GPR39: variants seen among roughly 807,000 people sequenced by gnomAD.
The protein encoded by GPR39 is G protein-coupled receptor 39, also known as zinc sensing receptor.
GPR39 carries 23 observed loss-of-function variants against 18.4 expected under a neutral mutation model. The ratio of observed to expected loss-of-function variants is 1.25; its 90% CI spans 0.90 to 1.77. GPR39 has a LOEUF of 1.77. GPR39 is among the 40% of genes most tolerant of loss of function. The probability of loss-of-function intolerance (pLI) is 0.00; values close to 1 mark genes in which losing one functional copy is unlikely to be tolerated. For synonymous variants in GPR39, 280 were observed against 257.9 expected (o/e 1.09, Z -0.82); for missense variants, 647 against 602.4 (o/e 1.07, Z -0.78).
chr2:132,500,944 T>C (rs534776723), intron 1 of GPR39, among the ~76,000 whole-genome samples: 1 of 152,200 alleles, frequency 6.6e-6, no homozygotes, highest in South Asian at 2.1e-4. Context: ...TTATTTCTAA[T>C]TGAGCTTATT....
chr2:132,484,811 T>C (rs1050916820), intron 1 of GPR39, among the ~76,000 whole-genome samples: 6 of 152,234 alleles, frequency 3.9e-5, no homozygotes, highest in African/African-American at 1.4e-4. Context: ...TCACACTGTT[T>C]AGATGGTCTG....
At chr2:132,464,369 A>C (rs1472577115) in intron 1 of GPR39, among the ~76,000 whole-genome samples, 1 of 152,228 alleles carries the variant, frequency 6.6e-6, no homozygotes, top group Non-Finnish European at 1.5e-5. Flanking sequence ...TATGACGGGC[A>C]TCTGGGAACT....
At chr2:132,624,858 C>T (rs945490784) in intron 1 of GPR39, among the ~76,000 whole-genome samples, 1 of 152,030 alleles carries the variant, frequency 6.6e-6, no homozygotes, top group African/African-American at 2.4e-5. Flanking sequence ...TGTGTAGTTC[C>T]CAGTCGGGGA....
chr2:132,434,139 T>C (rs1015673497), intron 1 of GPR39, among the ~76,000 whole-genome samples: 2 of 151,786 alleles, frequency 1.3e-5, no homozygotes, highest in African/African-American at 4.8e-5. Flanking sequence ...CAGATGAGAG[T>C]GCTCTATTCT....
chr2:132,538,071 C>G lies in GPR39; in HGVS notation c.857-107030C>G, dbSNP rs149192441. On this transcript the variant is annotated intron_variant, in intron 1 of 1. Coordinates refer to ENST00000329321, the MANE Select transcript of GPR39 (RefSeq NM_001508.3). Reference sequence around the variant, plus strand: ...GTAACTCGTTCATCTCATTCTCTGTCCAGTTCTGTGCCCTTGCTGGAGAAG... The same window carrying G: ...GTAACTCGTTCATCTCATTCTCTGTGCAGTTCTGTGCCCTTGCTGGAGAAG... 2.4e-4 allele frequency among the ~76,000 whole-genome samples: 37 copies of G among 152,252 alleles called. 1 individual carries two copies. In the East Asian group the frequency reaches 7.2e-3, roughly 29 times the overall value.
intron 1 of GPR39, among the ~76,000 whole-genome samples, chr2:132,534,181 T>C (rs1202388850): frequency 3.3e-5 from 5 of 151,898 alleles, no homozygotes; most frequent in Non-Finnish European, 5.9e-5. Flanking sequence ...GGGCGAAGGA[T>C]ATGAACAGAC....
intron 1 of GPR39, among the ~76,000 whole-genome samples, chr2:132,519,782 A>G (rs1679391236): frequency 6.6e-6 from 1 of 152,154 alleles, no homozygotes. Flanking sequence ...GCCTGGCACA[A>G]TCTCATCATT....
At chr2:132,580,146 G>A (rs1339088037) in intron 1 of GPR39, among the ~76,000 whole-genome samples, 2 of 152,224 alleles carry the variant, frequency 1.3e-5, no homozygotes, top group Non-Finnish European at 2.9e-5. Context: ...CTTTAGGATG[G>A]TATGTAAAGT....
chr2:132,479,628 A>G (rs796668470), intron 1 of GPR39, among the ~76,000 whole-genome samples: 2 of 152,336 alleles, frequency 1.3e-5, no homozygotes, highest in African/African-American at 4.8e-5. Flanking sequence ...TATCAGAAAA[A>G]TTCAAATCCA....
At chr2:132,628,785 G>A (rs1207621025) in intron 1 of GPR39, among the ~76,000 whole-genome samples, 2 of 152,102 alleles carry the variant, frequency 1.3e-5, no homozygotes, top group African/African-American at 4.8e-5. Context: ...GTGTGTTTGT[G>A]CAATCAATTC....
chr2:132,479,369 CAG>C (rs1681189543), intron 1 of GPR39, among the ~76,000 whole-genome samples: 1 of 152,128 alleles, frequency 6.6e-6, no homozygotes, highest in South Asian at 2.1e-4. Context: ...GCACTCCTCT[CAG>C]GGGAGGTGGT....
At chr2:132,441,105 T>G (rs985855649) in intron 1 of GPR39, among the ~76,000 whole-genome samples, 1 of 152,234 alleles carries the variant, frequency 6.6e-6, no homozygotes, top group African/African-American at 2.4e-5. Flanking sequence ...CTTTATTCCT[T>G]GATTTTTTTC....
At chr2:132,498,461 C>A (rs977033284) in intron 1 of GPR39, among the ~76,000 whole-genome samples, 1 of 152,110 alleles carries the variant, frequency 6.6e-6, no homozygotes, top group Non-Finnish European at 1.5e-5. Flanking sequence ...ACCACATTTT[C>A]TTTATCCACT....
chr2:132,643,758 GAT>G (rs1681919093), intron 1 of GPR39, among the ~76,000 whole-genome samples: 1 of 152,172 alleles, frequency 6.6e-6, no homozygotes, highest in Non-Finnish European at 1.5e-5. Context: ...AGGCTTAAGT[GAT>G]CCTTCTGCCT....
chr2:132,478,158 CACTG>C (rs1313513570), intron 1 of GPR39, among the ~76,000 whole-genome samples: 11 of 152,208 alleles, frequency 7.2e-5, no homozygotes, highest in East Asian at 1.9e-4. Context: ...AACTGCTGAA[CACTG>C]ACTGCGTTTC....
intron 1 of GPR39, among the ~76,000 whole-genome samples, chr2:132,459,976 A>G (rs1680802746): frequency 6.6e-6 from 1 of 152,190 alleles, no homozygotes; most frequent in Admixed American, 6.5e-5. Flanking sequence ...CATGTTCCAG[A>G]GTATCAGACC....
chr2:132,640,989 A>G (rs1681847058), intron 1 of GPR39, among the ~76,000 whole-genome samples: 1 of 152,142 alleles, frequency 6.6e-6, no homozygotes. Context: ...CATGTTTGTC[A>G]TTGGCTGTAC....
chr2:132,450,914 T>C (rs1680619966), intron 1 of GPR39, among the ~76,000 whole-genome samples: 1 of 152,226 alleles, frequency 6.6e-6, no homozygotes, highest in Non-Finnish European at 1.5e-5. Flanking sequence ...GAGTTTTCCT[T>C]AGCAACCTAA....
intron 1 of GPR39, among the ~76,000 whole-genome samples, chr2:132,469,525 A>G (rs35160384): frequency 0.13 from 19,331 of 152,206 alleles, 1,256 homozygotes; most frequent in Middle Eastern, 0.21. Context: ...ACAGGCAGAG[A>G]GACTGAGGCC....
Sources: gnomAD v4.1 joint callset for allele counts (sites outside exome capture counted in the v4.1 genomes callset) on GRCh38, gnomAD v4.1.1 for gene constraint, MANE v1.5 for transcripts, NCBI Gene and HGNC (gene_info 2026-07-23, HGNC 2026-07-21) for gene names.